ZNF385D: variants seen among roughly 807,000 people sequenced by gnomAD.
ZNF385D encodes zinc finger protein 385D.
In ZNF385D, 15 loss-of-function variants were observed where a neutral mutation model predicts 35.8. That is an observed-to-expected ratio of 0.42 (90% CI 0.28 to 0.64). ZNF385D has a LOEUF of 0.64. ZNF385D is among the 30% of genes least tolerant of loss of function. The pLI is 0.23. For synonymous variants in ZNF385D, 212 were observed against 186.8 expected (o/e 1.13, Z -1.10); for missense variants, 474 against 494.6 (o/e 0.96, Z 0.39).
intron 3 of ZNF385D, among the ~76,000 whole-genome samples, chr3:22,149,589 C>G (rs193249730): frequency 6.6e-6 from 1 of 152,140 alleles, no homozygotes; most frequent in Non-Finnish European, 1.5e-5. Context: ...ATTAAAGCCA[C>G]GACCATAGAG....
chr3:21,794,035 G>A (rs150457672), intron 3 of ZNF385D, among the ~76,000 whole-genome samples: 3 of 152,298 alleles, frequency 2.0e-5, no homozygotes, highest in African/African-American at 4.8e-5. Flanking sequence ...TAAGATGGAA[G>A]AAGATATGGA....
At chr3:22,035,596 T>C (rs1698263686) in intron 3 of ZNF385D, among the ~76,000 whole-genome samples, 1 of 152,144 alleles carries the variant, frequency 6.6e-6, no homozygotes, top group Non-Finnish European at 1.5e-5. Flanking sequence ...ATTGTCATAA[T>C]GGTAGAAATG....
chr3:21,558,415 C>T (rs545010766), intron 3 of ZNF385D, among the ~76,000 whole-genome samples: 23 of 152,174 alleles, frequency 1.5e-4, no homozygotes, highest in East Asian at 1.2e-3. Context: ...GTTATTCACC[C>T]GGTAGTCATT....
chr3:22,275,416 A>T lies in ZNF385D; in HGVS notation c.106+97034T>A, dbSNP rs528820580. 5.1e-4 allele frequency among the ~76,000 whole-genome samples: 78 copies of T among 152,216 alleles called. 1 individual carries two copies. Among genetic ancestry groups the T allele is most frequent in the African/African-American group, 1.8e-3 (75 of 41,572 alleles). ...CCACTTTTAATTCTTCTTTAATCAA[A>T]GTAATTACAAAGTACAATGGTTCTT... On this transcript the variant is annotated intron_variant, in intron 2 of 5. Transcript: ENST00000494108.
intron 2 of ZNF385D, among the ~76,000 whole-genome samples, chr3:22,170,036 T>C (rs146316182): frequency 5.8e-4 from 89 of 152,320 alleles, no homozygotes; most frequent in Admixed American, 1.0e-3. Context: ...AAAATAATAA[T>C]ACCTCATTTC....
At chr3:22,334,723 A>G (rs1428464339) in intron 2 of ZNF385D, among the ~76,000 whole-genome samples, 1 of 152,048 alleles carries the variant, frequency 6.6e-6, no homozygotes, top group Non-Finnish European at 1.5e-5. Context: ...CCCTACTTTT[A>G]TTATTTTTTT....
intron 3 of ZNF385D, among the ~76,000 whole-genome samples, chr3:21,991,961 A>T (rs1056107714): frequency 6.6e-6 from 1 of 152,200 alleles, no homozygotes; most frequent in African/African-American, 2.4e-5. Flanking sequence ...ACCTGGGCTT[A>T]AATCTTGGCT....
Position 22,042,718 on chromosome 3 carries a change from G to C in ZNF385D, c.325+126099C>G, listed in dbSNP as rs888803595. 3.3e-5 allele frequency among the ~76,000 whole-genome samples: 5 copies of C among 151,982 alleles called. No individual in the cohort carries two copies. In the South Asian group the frequency reaches 1.0e-3, roughly 31 times the overall value. ...GTCTTCTCACTAAGAAAAGGTATTG[G>C]CCAGAACTAAGTAAACACTCAGAAA... is the stretch of plus-strand genomic sequence containing the variant. On this transcript the variant is annotated intron_variant, in intron 3 of 5. Transcript: ENST00000494108.
chr3:22,137,903 T>C (rs538622986), intron 3 of ZNF385D, among the ~76,000 whole-genome samples: 131 of 152,200 alleles, frequency 8.6e-4, no homozygotes, highest in Non-Finnish European at 1.6e-3. Flanking sequence ...GATGACATGA[T>C]TGTATATCTA....
chr3:22,321,654 C>T (rs891406129), intron 2 of ZNF385D, among the ~76,000 whole-genome samples: 13 of 152,084 alleles, frequency 8.5e-5, no homozygotes, highest in African/African-American at 2.9e-4. Context: ...CATGAGCCAC[C>T]GCACCCGGCT....
At chr3:22,064,027 T>A (rs1699816211) in intron 3 of ZNF385D, among the ~76,000 whole-genome samples, 1 of 152,204 alleles carries the variant, frequency 6.6e-6, no homozygotes, top group South Asian at 2.1e-4. Context: ...TCCCAAGGAA[T>A]CCAAATTGTG....
At chr3:21,977,015 C>A in intron 3 of ZNF385D, among the ~76,000 whole-genome samples, 1 of 149,314 alleles carries the variant, frequency 6.7e-6, no homozygotes. Context: ...AATAATAAAC[C>A]ACTGCTACAT....
chr3:21,704,637 T>G (rs562875729), intron 1 of ZNF385D, among the ~76,000 whole-genome samples: 1 of 152,064 alleles, frequency 6.6e-6, no homozygotes, highest in South Asian at 2.1e-4. Flanking sequence ...GTCACATGAG[T>G]AGCTGGGACT....
intron 3 of ZNF385D, among the ~76,000 whole-genome samples, chr3:22,144,912 A>T (rs7628166): frequency 1.3e-5 from 2 of 151,918 alleles, no homozygotes; most frequent in African/African-American, 4.8e-5. Context: ...TTGCTTGATG[A>T]AAAACATATA....
rs1260562030 is a variant in ZNF385D at position 21,413,625 on chromosome 3, A to AT, written c.*7588dup. Reference sequence around the variant, plus strand: ...TGATATTAGATAAAACCCTGGTTATATTTTTTAAGCCATAAGAATATAAGA... The same window carrying AT: ...TGATATTAGATAAAACCCTGGTTATATTTTTTTAAGCCATAAGAATATAAGA... On this transcript the variant is annotated 3_prime_UTR_variant, in exon 8 of 8. Transcript: ENST00000281523. The AT allele has an allele frequency of 1.3e-5, 2 of 152,080 alleles. No homozygotes were observed. The highest frequency in any genetic ancestry group is 2.9e-5 in the Non-Finnish European group (2 of 67,996). The allele number at this position is 152,080 out of a possible 1,614,324, so 9.4% of individuals were successfully genotyped here.
rs1466068958 is a variant in ZNF385D, at chr3:21,868,758, T to C, written c.326-203730A>G. ...TAAAAACTATTTTCCAGCATCTAAA[T>C]AAGTTAGAAGATAATATGTTTGTAC... On this transcript the variant is annotated intron_variant, in intron 3 of 5. Coordinates refer to the ZNF385D transcript ENST00000494108. Among the ~76,000 whole-genome samples the C allele has an allele frequency of 2.6e-5, 4 of 152,248 alleles. No homozygotes were observed. In the East Asian group the frequency reaches 7.8e-4, roughly 30 times the overall value.
At chr3:21,670,655 C>A (rs1346134299) in intron 1 of ZNF385D, among the ~76,000 whole-genome samples, 2 of 4,394 alleles carry the variant, frequency 4.6e-4, no homozygotes, top group Non-Finnish European at 2.2e-3. Context: ...AAGGCGCCCC[C>A]CCCCCCCCCC....
chr3:21,998,123 G>T (rs758895831), intron 3 of ZNF385D, among the ~76,000 whole-genome samples: 3 of 152,112 alleles, frequency 2.0e-5, no homozygotes, highest in Non-Finnish European at 4.4e-5. Flanking sequence ...GTGCCTGGAA[G>T]TTACCTTATA....
At chr3:22,314,465 T>A (rs989670312) in intron 2 of ZNF385D, among the ~76,000 whole-genome samples, 1 of 152,202 alleles carries the variant, frequency 6.6e-6, no homozygotes, top group Admixed American at 6.5e-5. Context: ...TTCCTTTTTA[T>A]GGCTTAGTAT....
Sources: allele counts gnomAD v4.1 joint callset (sites outside exome capture counted in the v4.1 genomes callset), GRCh38; gene constraint gnomAD v4.1.1; transcripts MANE v1.5; gene names NCBI Gene and HGNC (gene_info 2026-07-23, HGNC 2026-07-21).